KCND2: variants seen among roughly 807,000 people sequenced by gnomAD.
KCND2 encodes potassium voltage-gated channel subfamily D member 2, also known as A-type voltage-gated potassium channel KCND2.
In KCND2, 16 loss-of-function variants were observed where a neutral mutation model predicts 54.4. That is an observed-to-expected ratio of 0.29 (90% CI 0.20 to 0.45). KCND2 has a LOEUF of 0.45. Ranked by LOEUF, KCND2 falls within the 20% of genes least tolerant of loss-of-function variation. The pLI is 1.00. For synonymous variants in KCND2, 317 were observed against 310.7 expected (o/e 1.02, Z -0.21); for missense variants, 486 against 824.2 (o/e 0.59, Z 5.02).
chr7:120,493,426 G>A (rs1220650335), intron 1 of KCND2, among the ~76,000 whole-genome samples: 2 of 151,972 alleles, frequency 1.3e-5, no homozygotes, highest in South Asian at 2.1e-4. Context: ...AACGAAGAAA[G>A]TAATGTCTTT....
chr7:120,396,231 TG>T (rs1801154400), intron 1 of KCND2, among the ~76,000 whole-genome samples: 1 of 152,052 alleles, frequency 6.6e-6, no homozygotes, highest in Non-Finnish European at 1.5e-5. Flanking sequence ...TATCCTGTGT[TG>T]GTCAAATTAA....
At chr7:120,722,483 C>A (rs1416203793) in intron 1 of KCND2, among the ~76,000 whole-genome samples, 1 of 152,164 alleles carries the variant, frequency 6.6e-6, no homozygotes, top group Admixed American at 6.5e-5. Context: ...CAATAAAGAG[C>A]CAAGTCTTAG....
intron 1 of KCND2, among the ~76,000 whole-genome samples, chr7:120,570,172 T>G (rs542443514): frequency 6.6e-6 from 1 of 152,290 alleles, no homozygotes; most frequent in East Asian, 1.9e-4. Flanking sequence ...AAATAGACAG[T>G]TGAGCCCTAG....
At chr7:120,679,914 G>A (rs1393523348) in intron 1 of KCND2, among the ~76,000 whole-genome samples, 36 of 152,012 alleles carry the variant, frequency 2.4e-4, no homozygotes, top group Admixed American at 2.4e-3. Flanking sequence ...TAGATTGATG[G>A]GAGGCACAAA....
intron 1 of KCND2, among the ~76,000 whole-genome samples, chr7:120,309,466 TATATATATACACAC>T (rs1186170830): frequency 1.7e-5 from 2 of 119,934 alleles, no homozygotes; most frequent in East Asian, 2.6e-4. Context: ...TATATATATA[TATATATATACACAC>T]ACACACACAC....
chr7:120,373,678 A>G (rs555401664), intron 1 of KCND2, among the ~76,000 whole-genome samples: 41 of 151,908 alleles, frequency 2.7e-4, no homozygotes, highest in Non-Finnish European at 4.9e-4. Context: ...GTATAGACCC[A>G]TGGATAGACC....
intron 1 of KCND2, among the ~76,000 whole-genome samples, chr7:120,626,258 GTATT>G (rs1200431257): frequency 6.6e-6 from 1 of 152,210 alleles, no homozygotes; most frequent in African/African-American, 2.4e-5. Context: ...TAAAATAAAA[GTATT>G]TATTCAAAAC....
chr7:120,498,678 G>C (rs1802887468), intron 1 of KCND2, among the ~76,000 whole-genome samples: 1 of 151,926 alleles, frequency 6.6e-6, no homozygotes, highest in Non-Finnish European at 1.5e-5. Flanking sequence ...AGGAGGCTGA[G>C]GCATGAGAAT....
At chr7:120,729,661 C>T (rs1792780638) in intron 1 of KCND2, among the ~76,000 whole-genome samples, 1 of 152,196 alleles carries the variant, frequency 6.6e-6, no homozygotes, top group Non-Finnish European at 1.5e-5. Flanking sequence ...AGAGCATAAA[C>T]GTGAGAGAAG....
At chr7:120,384,608 C>T (rs1163322563) in intron 1 of KCND2, among the ~76,000 whole-genome samples, 2 of 152,142 alleles carry the variant, frequency 1.3e-5, no homozygotes, top group African/African-American at 4.8e-5. Flanking sequence ...ATTACTGGAT[C>T]TAAATATCTT....
At chr7:120,450,886 G>A (rs539411043) in intron 1 of KCND2, among the ~76,000 whole-genome samples, 1 of 152,272 alleles carries the variant, frequency 6.6e-6, no homozygotes, top group Non-Finnish European at 1.5e-5. Flanking sequence ...TGCAGGTGGA[G>A]CGATTACTTA....
At chr7:120,703,409 G>A (rs1385322405) in intron 1 of KCND2, among the ~76,000 whole-genome samples, 1 of 152,152 alleles carries the variant, frequency 6.6e-6, no homozygotes, top group Non-Finnish European at 1.5e-5. Flanking sequence ...CAAAGGTTGT[G>A]AACCCTATTG....
At chr7:120,314,046 CTT>C (rs887279867) in intron 1 of KCND2, among the ~76,000 whole-genome samples, 39 of 144,816 alleles carry the variant, frequency 2.7e-4, no homozygotes, top group African/African-American at 9.8e-4. Context: ...AGTAAGGACA[CTT>C]TTATTTCTTC....
intron 1 of KCND2, among the ~76,000 whole-genome samples, chr7:120,378,523 T>C (rs1156789086): frequency 6.6e-6 from 1 of 151,938 alleles, no homozygotes; most frequent in Non-Finnish European, 1.5e-5. Flanking sequence ...ACACCTACTG[T>C]ATCGGATTTT....
chr7:120,511,024 TCACACACA>T (rs10594846), intron 1 of KCND2, among the ~76,000 whole-genome samples: 2 of 144,994 alleles, frequency 1.4e-5, no homozygotes, highest in Non-Finnish European at 3.0e-5. Flanking sequence ...TCTCTCTCTC[TCACACACA>T]CACACACACA....
chr7:120,523,702 C>G (rs1791730474), intron 1 of KCND2, among the ~76,000 whole-genome samples: 1 of 111,032 alleles, frequency 9.0e-6, no homozygotes, highest in East Asian at 3.7e-4. Context: ...CACACACACA[C>G]TCTGTGTGTG....
At chr7:120,583,782 TG>T (rs1792550790) in intron 1 of KCND2, among the ~76,000 whole-genome samples, 2 of 54,514 alleles carry the variant, frequency 3.7e-5, no homozygotes, top group Non-Finnish European at 8.5e-5. Flanking sequence ...GCATAGGAAT[TG>T]TGGGGGGGGG....
At chr7:120,285,991 C>T (rs1465820152) in intron 1 of KCND2, among the ~76,000 whole-genome samples, 1 of 151,420 alleles carries the variant, frequency 6.6e-6, no homozygotes, top group Non-Finnish European at 1.5e-5. Context: ...TCATAGTTAT[C>T]TAAATGAAAG....
chr7:120,292,791 A>G (rs1027139744), intron 1 of KCND2, among the ~76,000 whole-genome samples: 1 of 151,906 alleles, frequency 6.6e-6, no homozygotes, highest in Admixed American at 6.6e-5. Flanking sequence ...TGATACTTGG[A>G]GAAAACTATT....
Sources: gnomAD v4.1 joint callset for allele counts (sites outside exome capture counted in the v4.1 genomes callset) on GRCh38, gnomAD v4.1.1 for gene constraint, MANE v1.5 for transcripts, NCBI Gene and HGNC (gene_info 2026-07-23, HGNC 2026-07-21) for gene names.